The following ARMC2 variants were observed in gnomAD, a reference collection of about 807,000 sequenced individuals.
The protein encoded by ARMC2 is armadillo repeat containing 2, also known as armadillo repeat-containing protein 2.
Under a neutral mutation model 90.3 loss-of-function variants are expected in ARMC2, and 67 were observed. That is an observed-to-expected ratio of 0.74 (90% CI 0.61 to 0.91). The LOEUF (loss-of-function observed/expected upper bound fraction) is 0.91. Ranked by LOEUF, ARMC2 falls within the 40% of genes least tolerant of loss-of-function variation. The probability of loss-of-function intolerance (pLI) is 0.00; values close to 1 mark genes in which losing one functional copy is unlikely to be tolerated. For synonymous variants in ARMC2, 393 were observed against 393.0 expected (o/e 1.00, Z 0.00); for missense variants, 920 against 1,030.9 (o/e 0.89, Z 1.47).
At chr6:109,023,867 T>C in the ARMC2 span, among the ~76,000 whole-genome samples, 1 of 152,198 alleles carries the variant, frequency 6.6e-6, no homozygotes, top group Non-Finnish European at 1.5e-5. Context: ...CACTTTCATA[T>C]ATTTAAAGCA....
In ARMC2 at chr6:108,905,953, A is replaced by G. The variant is rs149434332; in HGVS notation, c.1023+1548A>G. On this transcript the variant is annotated intron_variant, in intron 8 of 17. Coordinates refer to ENST00000392644, the MANE Select transcript of ARMC2 (RefSeq NM_032131.6). ...TAACATTCCAGACAAGATCTTGTTT[A>G]GCTTAGGCCTTGGTGATGCGGTTCT... Among the ~76,000 whole-genome samples, 806 of 152,324 alleles carry G rather than the reference A, an allele frequency of 5.3e-3. 1 individual carries two copies. Among genetic ancestry groups the G allele is most frequent in the South Asian group, 0.028 (136 of 4,828 alleles).
chr6:108,941,761 GAGTTAAATACTTTTGA>G (rs1262887717), intron 12 of ARMC2, among the ~76,000 whole-genome samples: 1 of 152,146 alleles, frequency 6.6e-6, no homozygotes, highest in Non-Finnish European at 1.5e-5. Flanking sequence ...CCTCATTAAT[GAGTTAAATACTTTTGA>G]AGTGTGTTCA....
rs879705774 is a variant in ARMC2, at chr6:108,867,771, C to CAAA, written c.292-1042_292-1040dup. Among the ~76,000 whole-genome samples the CAAA allele has an allele frequency of 4.0e-3, 555 of 138,832 alleles. 3 individuals are homozygous for CAAA. The highest frequency in any genetic ancestry group is 0.014 in the African/African-American group (521 of 37,818). The allele number at this position is 138,832 out of a possible 152,430, so 91.1% of individuals were successfully genotyped here. ...GGGCAACAAGAGTGAAACTTCATCT[C>CAAA]AAAAAAAAAAAAAGTTAGCTGGGTG... On this transcript the variant is annotated intron_variant, in intron 3 of 17. Coordinates refer to ENST00000392644, the MANE Select transcript of ARMC2 (RefSeq NM_032131.6).
chr6:109,028,638 T>C, the ARMC2 span, among the ~76,000 whole-genome samples: 8 of 152,206 alleles, frequency 5.3e-5, no homozygotes, highest in East Asian at 1.5e-3. Context: ...CCTTGAGTCA[T>C]AAAAAAGCAT....
the ARMC2 span, among the ~76,000 whole-genome samples, chr6:108,991,076 C>CAAT: frequency 8.0e-6 from 1 of 125,604 alleles, no homozygotes; most frequent in African/African-American, 2.6e-5. Flanking sequence ...CAAAAAAAAA[C>CAAT]AACAACAAAA....
chr6:108,923,654 A>G (rs1368862479), intron 10 of ARMC2, among the ~76,000 whole-genome samples: 1 of 149,468 alleles, frequency 6.7e-6, no homozygotes, highest in Non-Finnish European at 1.5e-5. Context: ...TTTCCAGAAA[A>G]GGCCACTGGT....
chr6:108,857,545 T>C (rs1049539312), intron 2 of ARMC2, among the ~76,000 whole-genome samples: 6 of 152,228 alleles, frequency 3.9e-5, no homozygotes. Context: ...TGTATGATAC[T>C]GAAAAGCAGT....
chr6:108,987,253 G>A, the ARMC2 span: 1 of 283,390 alleles, frequency 3.5e-6, no homozygotes, highest in Admixed American at 5.2e-5. Flanking sequence ...AACAGGATTT[G>A]GAGAGTTACT....
At chr6:109,052,015 C>G in the ARMC2 span, among the ~76,000 whole-genome samples, 1 of 152,204 alleles carries the variant, frequency 6.6e-6, no homozygotes, top group Non-Finnish European at 1.5e-5. Flanking sequence ...CAAACCACAG[C>G]AGACAACAAT....
the ARMC2 span, among the ~76,000 whole-genome samples, chr6:109,049,013 C>A: frequency 2.0e-5 from 3 of 152,192 alleles, no homozygotes; most frequent in Non-Finnish European, 4.4e-5. Context: ...TAGCACGCTT[C>A]TTTGTACAGA....
At chr6:108,955,935 G>A (rs920321801) in intron 13 of ARMC2, among the ~76,000 whole-genome samples, 2 of 152,076 alleles carry the variant, frequency 1.3e-5, no homozygotes, top group Non-Finnish European at 2.9e-5. Flanking sequence ...TTGGTTTCTG[G>A]CCCCTGCCCA....
At chr6:109,000,681 C>A in the ARMC2 span, 1 of 1,537,142 alleles carries the variant, frequency 6.5e-7, no homozygotes, top group Non-Finnish European at 8.8e-7. Context: ...AGCCTTAAAA[C>A]AAAAAGATTA....
chr6:109,026,425 A>G, the ARMC2 span, among the ~76,000 whole-genome samples: 1 of 152,198 alleles, frequency 6.6e-6, no homozygotes, highest in African/African-American at 2.4e-5. Context: ...CGAATTCTGA[A>G]TAGCTTTGTG....
chr6:109,039,625 G>T, the ARMC2 span, among the ~76,000 whole-genome samples: 2 of 152,084 alleles, frequency 1.3e-5, no homozygotes, highest in Admixed American at 1.3e-4. Context: ...CCCATCACTG[G>T]GATTAAAAAC....
At position 108,953,120 on chromosome 6, in the gene ARMC2, A is replaced by G; in HGVS notation, c.1684A>G (p.Ser562Gly). The G allele has an allele frequency of 6.2e-7, 1 of 1,613,984 alleles. No individual in the cohort carries two copies. Among genetic ancestry groups the G allele is most frequent in the Non-Finnish European group, 8.5e-7 (1 of 1,179,880 alleles). ...TGAACAATTTTCCAAAGAGAAAGGGAGCATCCAAACTCTGCTGTCATTATT... is the reference window on the plus strand; with the variant it reads ...TGAACAATTTTCCAAAGAGAAAGGGGGCATCCAAACTCTGCTGTCATTATT... ...AREQFSKEKG[S>G]IQTLLSLFQT... is the part of the protein sequence containing the mutation. Residue 562 changes from serine to glycine, a missense_variant, in exon 13 of 18, where the codon AGC (serine) becomes GGC (glycine). Transcript: ENST00000392644.
At chr6:108,972,399 AG>A (rs1050935609) in intron 17 of ARMC2, among the ~76,000 whole-genome samples, 1 of 152,188 alleles carries the variant, frequency 6.6e-6, no homozygotes, top group African/African-American at 2.4e-5. Flanking sequence ...GTCTTTCCAA[AG>A]TACTACTTCC....
At chr6:108,893,582 T>A (rs1771310109) in intron 5 of ARMC2, among the ~76,000 whole-genome samples, 1 of 152,280 alleles carries the variant, frequency 6.6e-6, no homozygotes, top group Non-Finnish European at 1.5e-5. Flanking sequence ...CCTTGTGGTA[T>A]ATATCCTTAA....
At chr6:108,907,891 G>A (rs142533733) in intron 8 of ARMC2, 131 of 1,598,820 alleles carry the variant, frequency 8.2e-5, no homozygotes, top group African/African-American at 7.2e-4. Flanking sequence ...CCTGGTGTCC[G>A]CTGTGTTCTT....
intron 11 of ARMC2, among the ~76,000 whole-genome samples, chr6:108,933,965 G>A (rs897487597): frequency 7.2e-5 from 11 of 152,152 alleles, no homozygotes; most frequent in African/African-American, 2.7e-4. Flanking sequence ...AGGTTCAAGC[G>A]ATTCTCCTGC....
Sources: allele counts gnomAD v4.1 joint callset (sites outside exome capture counted in the v4.1 genomes callset), GRCh38; gene constraint gnomAD v4.1.1; transcripts MANE v1.5; gene names NCBI Gene and HGNC (gene_info 2026-07-23, HGNC 2026-07-21).